Variants in ASTN2 observed in about 807,000 individuals in gnomAD.
ASTN2 encodes astrotactin-2.
In ASTN2, 54 loss-of-function variants were observed where a neutral mutation model predicts 139.8. The observed-to-expected ratio is 0.39, with a 90% confidence interval of 0.31 to 0.48. The LOEUF (loss-of-function observed/expected upper bound fraction) is 0.48. Ranked by LOEUF, ASTN2 falls within the 20% of genes least tolerant of loss-of-function variation. The probability of loss-of-function intolerance (pLI) is 0.95; values close to 1 mark genes in which losing one functional copy is unlikely to be tolerated. For missense variants in ASTN2, 1,565 were observed against 1,725.1 expected (o/e 0.91, Z 1.64); for synonymous variants, 756 against 719.5 (o/e 1.05, Z -0.81).
At chr9:116,437,433 AG>A (rs1488621664) in intron 22 of ASTN2, 2 of 471,260 alleles carry the variant, frequency 4.2e-6, no homozygotes, top group African/African-American at 4.0e-5. Flanking sequence ...GCTGGGTGAC[AG>A]GGTGGGGAGG....
chr9:116,635,148 A>G (rs577824277), intron 17 of ASTN2, among the ~76,000 whole-genome samples: 2 of 152,304 alleles, frequency 1.3e-5, no homozygotes, highest in East Asian at 3.9e-4. Context: ...GAGAGCTTAA[A>G]CCTAAGTCTA....
intron 1 of ASTN2, among the ~76,000 whole-genome samples, chr9:117,390,758 G>A (rs1286961414): frequency 1.3e-5 from 2 of 152,142 alleles, no homozygotes; most frequent in Admixed American, 1.3e-4. Flanking sequence ...CCTCACAACA[G>A]ACATGTTGGT....
At chr9:116,576,786 T>G (rs117471685) in intron 19 of ASTN2, among the ~76,000 whole-genome samples, 3,112 of 152,228 alleles carry the variant, frequency 0.02, 42 homozygotes, top group Middle Eastern at 0.068. Context: ...TGTTCTGGCT[T>G]GATCCCATAA....
intron 1 of ASTN2, among the ~76,000 whole-genome samples, chr9:117,306,146 T>C (rs937064006): frequency 6.6e-6 from 1 of 152,100 alleles, no homozygotes; most frequent in Non-Finnish European, 1.5e-5. Context: ...TTGTCACACC[T>C]CCCTCTGGCT....
At chr9:117,247,290 T>C (rs949127838) in intron 2 of ASTN2, among the ~76,000 whole-genome samples, 1 of 152,222 alleles carries the variant, frequency 6.6e-6, no homozygotes, top group Non-Finnish European at 1.5e-5. Context: ...ACTTAGGGTC[T>C]TTTGAGGCTA....
intron 4 of ASTN2, among the ~76,000 whole-genome samples, chr9:117,125,321 A>G (rs1382363714): frequency 6.6e-6 from 1 of 152,204 alleles, no homozygotes; most frequent in East Asian, 1.9e-4. Flanking sequence ...GTACAGAGAC[A>G]TAAACAAAAT....
chr9:117,208,786 G>C (rs1478716987), intron 3 of ASTN2, among the ~76,000 whole-genome samples: 1 of 152,162 alleles, frequency 6.6e-6, no homozygotes, highest in Non-Finnish European at 1.5e-5. Flanking sequence ...TAAAGTAACA[G>C]TGGATTTCTC....
At chr9:116,434,041 C>T (rs1359124148) in intron 22 of ASTN2, among the ~76,000 whole-genome samples, 1 of 152,012 alleles carries the variant, frequency 6.6e-6, no homozygotes, top group African/African-American at 2.4e-5. Flanking sequence ...CCATGGGACA[C>T]TAGTTCAAAG....
rs74417298 is a variant in ASTN2, at chr9:117,314,178, C to A, written c.443-22665G>T. The stretch of plus-strand genomic sequence containing the variant: ...GATTGTTTTCATAAAACACTGCTAA[C>A]AATGCATCCGTTTCACTCACAGGTA... On this transcript the variant is annotated intron_variant, in intron 1 of 22. Transcript: ENST00000313400. Among the ~76,000 whole-genome samples the A allele has an allele frequency of 1.6e-3, 248 of 152,292 alleles. 1 individual carries two copies. Among genetic ancestry groups the A allele is most frequent in the African/African-American group, 5.5e-3 (228 of 41,574 alleles).
At chr9:117,127,398 A>G (rs1829715702) in intron 4 of ASTN2, among the ~76,000 whole-genome samples, 1 of 152,176 alleles carries the variant, frequency 6.6e-6, no homozygotes, top group African/African-American at 2.4e-5. Context: ...TGCTCCCTGC[A>G]AATCTTTATA....
intron 5 of ASTN2, among the ~76,000 whole-genome samples, chr9:117,065,717 A>G (rs951802144): frequency 3.9e-5 from 6 of 152,174 alleles, no homozygotes; most frequent in African/African-American, 1.4e-4. Flanking sequence ...TTCTTTGTCA[A>G]TTATAGAACC....
intron 17 of ASTN2, among the ~76,000 whole-genome samples, chr9:116,632,043 G>A (rs1187460898): frequency 6.6e-6 from 1 of 151,366 alleles, no homozygotes; most frequent in Non-Finnish European, 1.5e-5. Flanking sequence ...GAACCCAGGA[G>A]GTGGAGGTTG....
chr9:116,803,859 T>G (rs1293562606), intron 13 of ASTN2, among the ~76,000 whole-genome samples: 1 of 148,310 alleles, frequency 6.7e-6, no homozygotes, highest in African/African-American at 2.5e-5. Context: ...AGAGATGGAG[T>G]CTTGCAAAGT....
chr9:117,305,736 A>G (rs111368101), intron 1 of ASTN2, among the ~76,000 whole-genome samples: 2,349 of 152,354 alleles, frequency 0.015, 61 homozygotes, highest in African/African-American at 0.054. Flanking sequence ...ACACTTATTA[A>G]GTGCTTACTC....
chr9:117,265,510 CA>C (rs1232980453), intron 2 of ASTN2, among the ~76,000 whole-genome samples: 4 of 152,170 alleles, frequency 2.6e-5, no homozygotes, highest in Non-Finnish European at 4.4e-5. Flanking sequence ...AACTGAAAGT[CA>C]AGCCAGCATT....
chr9:116,713,394 C>T (rs1220348184), intron 16 of ASTN2, among the ~76,000 whole-genome samples: 2 of 152,112 alleles, frequency 1.3e-5, no homozygotes, highest in South Asian at 4.1e-4. Flanking sequence ...AGGCCAGCTC[C>T]TACCCAATGT....
At chr9:116,717,046 C>A (rs1828331477) in intron 16 of ASTN2, among the ~76,000 whole-genome samples, 1 of 152,202 alleles carries the variant, frequency 6.6e-6, no homozygotes, top group Non-Finnish European at 1.5e-5. Flanking sequence ...GCCAAATTCC[C>A]TGGTGTGAAT....
chr9:116,658,100 T>TTTTTG (rs1438438618), intron 16 of ASTN2, among the ~76,000 whole-genome samples: 1 of 146,534 alleles, frequency 6.8e-6, no homozygotes, highest in Non-Finnish European at 1.5e-5. Flanking sequence ...TTTTGTTTTG[T>TTTTTG]TTTTGTTTTG....
intron 19 of ASTN2, among the ~76,000 whole-genome samples, chr9:116,511,104 T>C (rs575529040): frequency 8.5e-5 from 13 of 152,188 alleles, no homozygotes; most frequent in South Asian, 4.1e-4. Flanking sequence ...AATGCTTCCA[T>C]TTTTTGCCCA....
Sources: allele counts gnomAD v4.1 joint callset (sites outside exome capture counted in the v4.1 genomes callset), GRCh38; gene constraint gnomAD v4.1.1; transcripts MANE v1.5; gene names NCBI Gene and HGNC (gene_info 2026-07-23, HGNC 2026-07-21).